Variants in CEP350 observed in about 807,000 individuals in gnomAD.
CEP350 encodes the protein centrosomal protein 350.
In CEP350, 126 loss-of-function variants were observed where a neutral mutation model predicts 331.8. The observed-to-expected ratio is 0.38, with a 90% confidence interval of 0.33 to 0.44. The LOEUF is 0.44. Ranked by LOEUF, CEP350 falls within the 20% of genes least tolerant of loss-of-function variation. The probability of loss-of-function intolerance (pLI) is 1.00; values close to 1 mark genes in which losing one functional copy is unlikely to be tolerated. For missense variants in CEP350, 3,406 were observed against 3,634.6 expected (o/e 0.94, Z 1.62); for synonymous variants, 1,200 against 1,259.5 (o/e 0.95, Z 1.00).
At chr1:180,108,540 T>A (rs1488764465) in intron 37 of CEP350, among the ~76,000 whole-genome samples, 5 of 152,094 alleles carry the variant, frequency 3.3e-5, no homozygotes. Context: ...AAAGAACTGT[T>A]ATAGAAAGGA....
intron 6 of CEP350, among the ~76,000 whole-genome samples, chr1:180,002,387 T>A (rs1172757837): frequency 1.3e-5 from 2 of 151,946 alleles, no homozygotes; most frequent in Non-Finnish European, 2.9e-5. Context: ...GGCAGGAAAA[T>A]TGCTTGAACC....
intron 17 of CEP350, among the ~76,000 whole-genome samples, chr1:180,040,574 C>T (rs1320634464): frequency 6.6e-6 from 1 of 151,652 alleles, no homozygotes; most frequent in Non-Finnish European, 1.5e-5. Context: ...AGACATGAGC[C>T]ATTGTGCCCA....
intron 1 of CEP350, among the ~76,000 whole-genome samples, chr1:179,975,279 A>G (rs1651777613): frequency 6.6e-6 from 1 of 152,190 alleles, no homozygotes; most frequent in African/African-American, 2.4e-5. Flanking sequence ...TGAGACTGTA[A>G]ATTAATGTTG....
chr1:179,968,648 T>A (rs929902188), intron 1 of CEP350: 1 of 420,108 alleles, frequency 2.4e-6, no homozygotes, highest in African/African-American at 2.1e-5. Flanking sequence ...ATTCCCATTG[T>A]AACTTAAAGG....
chr1:180,090,538 TC>T (rs1660115256), intron 32 of CEP350, among the ~76,000 whole-genome samples, 175 bp from the exon 33 acceptor site: 1 of 24,004 alleles, frequency 4.2e-5, no homozygotes, highest in African/African-American at 8.2e-5. Context: ...AGAGCGAGAC[TC>T]CGTCTCAAAA....
At chr1:179,976,280 CAT>C (rs1172146681) in intron 1 of CEP350, among the ~76,000 whole-genome samples, 3 of 151,376 alleles carry the variant, frequency 2.0e-5, no homozygotes, top group Admixed American at 6.6e-5. Flanking sequence ...GTTTAAAAAA[CAT>C]AGACTTTTTA....
intron 13 of CEP350, among the ~76,000 whole-genome samples, chr1:180,023,867 G>A (rs1351451492): frequency 6.6e-6 from 1 of 151,718 alleles, no homozygotes; most frequent in East Asian, 1.9e-4. Context: ...AAAATTATTA[G>A]GTAATCTTAT....
intron 1 of CEP350, chr1:179,969,298 G>A (rs1651255925): frequency 2.0e-6 from 1 of 497,924 alleles, no homozygotes; most frequent in Non-Finnish European, 4.0e-6. Context: ...AAAACGCTGT[G>A]ACCAAGGAAG....
At chr1:180,030,936 A>C (rs79593922) in intron 14 of CEP350, among the ~76,000 whole-genome samples, 12,647 of 152,134 alleles carry the variant, frequency 0.083, 696 homozygotes, top group Non-Finnish European at 0.12. Context: ...CAAAAGAATT[A>C]TGTAGTTCAA....
At chr1:179,989,723 T>A (rs1166053244) in intron 3 of CEP350, among the ~76,000 whole-genome samples, 1 of 152,184 alleles carries the variant, frequency 6.6e-6, no homozygotes. Flanking sequence ...CTGAATTCTA[T>A]CTTGCGAATT....
intron 25 of CEP350, among the ~76,000 whole-genome samples, chr1:180,055,546 CTTTTTTTTTTT>C (rs71118430): frequency 1.1e-5 from 1 of 87,454 alleles, no homozygotes; most frequent in African/African-American, 4.4e-5. Context: ...TGAATTCCAT[CTTTTTTTTTTT>C]TTTTTTTTTT....
chr1:180,048,026 T>C (rs930519563), intron 21 of CEP350, among the ~76,000 whole-genome samples: 1 of 152,216 alleles, frequency 6.6e-6, no homozygotes, highest in Non-Finnish European at 1.5e-5. Context: ...TCTAACATTT[T>C]ACTACATTTT....
intron 19 of CEP350, among the ~76,000 whole-genome samples, 200 bp downstream of exon 19, chr1:180,042,002 G>GA (rs1473624473): frequency 6.6e-6 from 1 of 152,020 alleles, no homozygotes; most frequent in Non-Finnish European, 1.5e-5. Flanking sequence ...TATAGAGGCA[G>GA]AAAAAAGATG....
At chr1:179,971,783 T>A (rs1446991395) in intron 1 of CEP350, among the ~76,000 whole-genome samples, 1 of 152,334 alleles carries the variant, frequency 6.6e-6, no homozygotes, top group East Asian at 1.9e-4. Context: ...TGCTGTGATA[T>A]CATATGTCAT....
intron 37 of CEP350, 74 bp downstream of exon 37, chr1:180,099,059 G>A: frequency 1.4e-6 from 2 of 1,439,752 alleles, no homozygotes; most frequent in Non-Finnish European, 1.9e-6. Flanking sequence ...GATTCTAAAA[G>A]GAAAAGGGAT....
rs184472753 is a variant in CEP350, at chr1:179,955,329, G to A, written c.-14+187G>A. The stretch of plus-strand genomic sequence containing the variant: ...GAGGCTTTTCGGGGACCTAGGTTTC[G>A]GGTCCCACCAGTGCCTGCTGAAGAC... On this transcript the variant is annotated intron_variant, in intron 1 of 37. Coordinates refer to ENST00000367607, the MANE Select transcript of CEP350 (RefSeq NM_014810.5). Among the ~76,000 whole-genome samples, 621 of 152,312 alleles carry A rather than the reference G, an allele frequency of 4.1e-3. 3 individuals are homozygous for A. The highest frequency in any genetic ancestry group is 0.014 in the African/African-American group (589 of 41,568).
chr1:179,966,821 A>T (rs1325345964), intron 1 of CEP350, among the ~76,000 whole-genome samples: 2 of 152,150 alleles, frequency 1.3e-5, no homozygotes, highest in African/African-American at 4.8e-5. Flanking sequence ...ATGCACACTG[A>T]TGGAGCTTCA....
intron 1 of CEP350, among the ~76,000 whole-genome samples, chr1:179,966,605 T>C (rs1162027631): frequency 3.9e-5 from 6 of 152,108 alleles, no homozygotes; most frequent in African/African-American, 1.2e-4. Flanking sequence ...AACACAAAAA[T>C]CTATGCAAAT....
chr1:180,103,841 A>G (rs562523805), intron 37 of CEP350, among the ~76,000 whole-genome samples: 4 of 151,588 alleles, frequency 2.6e-5, no homozygotes, highest in East Asian at 3.9e-4. Flanking sequence ...CCCCTCTTTT[A>G]AATCACTATT....
Sources: allele counts gnomAD v4.1 joint callset (sites outside exome capture counted in the v4.1 genomes callset), GRCh38; gene constraint gnomAD v4.1.1; transcripts MANE v1.5; gene names NCBI Gene and HGNC (gene_info 2026-07-23, HGNC 2026-07-21).